ANKS1B: variants seen among roughly 807,000 people sequenced by gnomAD.
ANKS1B encodes ankyrin repeat and sterile alpha motif domain containing 1B.
Under a neutral mutation model 148.3 loss-of-function variants are expected in ANKS1B, and 36 were observed. The ratio of observed to expected loss-of-function variants is 0.24; its 90% CI spans 0.19 to 0.32. The LOEUF (loss-of-function observed/expected upper bound fraction) is 0.32. Ranked by LOEUF, ANKS1B falls within the 10% of genes least tolerant of loss-of-function variation. ANKS1B has a pLI of 1.00. For missense variants in ANKS1B, 1,157 were observed against 1,542.6 expected (o/e 0.75, Z 4.19); for synonymous variants, 542 against 560.8 (o/e 0.97, Z 0.47).
intron 9 of ANKS1B, among the ~76,000 whole-genome samples, chr12:99,570,963 G>A (rs547124957): frequency 1.2e-4 from 18 of 152,094 alleles, no homozygotes; most frequent in Admixed American, 3.3e-4. Flanking sequence ...AAATAGTTCC[G>A]AAATTTATTT....
At position 99,377,485 on chromosome 12, in the gene ANKS1B, T is replaced by TA. The variant is rs144925127; in HGVS notation, c.1756+22145dup. ...GTAAGATTTCCACAATATAAAAACTTAAAAAAATATTCAGAGCAAAAATAA... is the reference window on the plus strand; with the variant it reads ...GTAAGATTTCCACAATATAAAAACTTAAAAAAAATATTCAGAGCAAAAATAA... On this transcript the variant is annotated intron_variant, in intron 12 of 26. Transcript: ENST00000683438. Among the ~76,000 whole-genome samples, 8 of 152,206 alleles carry TA rather than the reference T, an allele frequency of 5.3e-5. No homozygotes were observed. In the South Asian group the frequency reaches 1.2e-3, roughly 24 times the overall value.
chr12:99,786,842 T>C (rs147174170), intron 4 of ANKS1B, among the ~76,000 whole-genome samples: 1 of 152,200 alleles, frequency 6.6e-6, no homozygotes, highest in East Asian at 1.9e-4. Context: ...TTACTGAATG[T>C]GAAAGGAAGC....
At chr12:99,434,561 C>T (rs571665393) in intron 11 of ANKS1B, among the ~76,000 whole-genome samples, 1 of 152,176 alleles carries the variant, frequency 6.6e-6, no homozygotes, top group East Asian at 1.9e-4. Flanking sequence ...TTAATAACCA[C>T]ATTTATTTTC....
chr12:99,121,321 ATGTGTGTGTGTG>A (rs57560069), intron 15 of ANKS1B, among the ~76,000 whole-genome samples: 1 of 142,754 alleles, frequency 7.0e-6, no homozygotes, highest in Non-Finnish European at 1.5e-5. Context: ...GTATGTAGGT[ATGTGTGTGTGTG>A]TGTGTGTGTG....
At position 99,832,905 on chromosome 12, in the gene ANKS1B, C is replaced by T. The variant is rs554641754; in HGVS notation, c.135-7516G>A. Among the ~76,000 whole-genome samples the T allele has an allele frequency of 2.6e-5, 4 of 152,252 alleles. No homozygotes were observed. The South Asian group carries it at 6.2e-4, about 24-fold the overall frequency. On this transcript the variant is annotated intron_variant, in intron 1 of 26. Coordinates refer to ENST00000683438, the MANE Select transcript of ANKS1B (RefSeq NM_001352186.2). ...AATAACTTTGATCTGAATGTATTGACTTTGAAAGTCAGCCAAAACATATAA... is the reference window on the plus strand; with the variant it reads ...AATAACTTTGATCTGAATGTATTGATTTTGAAAGTCAGCCAAAACATATAA...
chr12:98,909,322 C>T (rs185261819), intron 17 of ANKS1B, among the ~76,000 whole-genome samples: 2 of 152,270 alleles, frequency 1.3e-5, no homozygotes, highest in East Asian at 3.9e-4. Flanking sequence ...GATGAATATG[C>T]TTTTGTATAG....
At chr12:99,460,828 C>T (rs1189687588) in intron 10 of ANKS1B, among the ~76,000 whole-genome samples, 3 of 151,856 alleles carry the variant, frequency 2.0e-5, no homozygotes, top group Admixed American at 6.6e-5. Flanking sequence ...CCACTGAAAA[C>T]AGTGTGGAGA....
At chr12:99,057,208 C>G (rs1458044127) in intron 16 of ANKS1B, among the ~76,000 whole-genome samples, 2 of 152,118 alleles carry the variant, frequency 1.3e-5, no homozygotes, top group African/African-American at 4.8e-5. Context: ...CCTGTTTCCT[C>G]TTTTTTAGAA....
At chr12:99,259,708 C>A (rs1053134992) in intron 12 of ANKS1B, among the ~76,000 whole-genome samples, 3 of 152,132 alleles carry the variant, frequency 2.0e-5, no homozygotes, top group Admixed American at 2.0e-4. Flanking sequence ...TCTTGGCATG[C>A]GCTTTGCATT....
intron 8 of ANKS1B, among the ~76,000 whole-genome samples, chr12:99,727,253 C>T (rs890027328): frequency 2.6e-5 from 4 of 151,948 alleles, no homozygotes; most frequent in African/African-American, 9.7e-5. Context: ...GCATCTCAGC[C>T]CCAAAACTCC....
chr12:99,481,802 T>C (rs1243313697), intron 10 of ANKS1B, among the ~76,000 whole-genome samples: 1 of 152,046 alleles, frequency 6.6e-6, no homozygotes, highest in African/African-American at 2.4e-5. Flanking sequence ...CATATGTTTA[T>C]TAGCTATTTG....
At position 99,286,609 on chromosome 12, in the gene ANKS1B, C is replaced by A. The variant is rs1216999093; in HGVS notation, c.1757-39745G>T. ...AGAACATCAAGCAGTTTCCAAGGGT[C>A]CCCAGTTCCAGGCCTTGGTTCTTAG... On this transcript the variant is annotated intron_variant, in intron 12 of 26. Coordinates refer to ENST00000683438, the MANE Select transcript of ANKS1B (RefSeq NM_001352186.2). 3.3e-5 allele frequency among the ~76,000 whole-genome samples: 5 copies of A among 152,208 alleles called. 1 individual carries two copies. The highest frequency in any genetic ancestry group is 3.3e-4 in the Admixed American group (5 of 15,288).
intron 12 of ANKS1B, among the ~76,000 whole-genome samples, chr12:99,309,949 G>T (rs2082911269): frequency 2.0e-5 from 3 of 152,048 alleles, no homozygotes; most frequent in African/African-American, 7.2e-5. Context: ...GGAATAAAAA[G>T]AACTTACTAT....
chr12:99,411,943 C>G (rs963183323), intron 11 of ANKS1B, among the ~76,000 whole-genome samples: 1 of 152,180 alleles, frequency 6.6e-6, no homozygotes, highest in Admixed American at 6.5e-5. Context: ...TGACCATTAT[C>G]AGCTGTGTGG....
intron 17 of ANKS1B, among the ~76,000 whole-genome samples, chr12:98,971,817 A>G (rs1246850881): frequency 6.6e-6 from 1 of 152,168 alleles, no homozygotes; most frequent in Non-Finnish European, 1.5e-5. Context: ...CATTTCCAGA[A>G]GAGGAGTGAA....
chr12:99,273,554 ATTC>A (rs901966140), intron 12 of ANKS1B, among the ~76,000 whole-genome samples: 3 of 128,980 alleles, frequency 2.3e-5, no homozygotes, highest in African/African-American at 9.0e-5. Flanking sequence ...ACATTATCAG[ATTC>A]TTTTTTTTTT....
intron 15 of ANKS1B, among the ~76,000 whole-genome samples, chr12:99,145,541 T>A (rs1450977886): frequency 6.6e-6 from 1 of 152,010 alleles, no homozygotes; most frequent in African/African-American, 2.4e-5. Flanking sequence ...CAAAAGTGAA[T>A]GCGTATATTT....
intron 15 of ANKS1B, among the ~76,000 whole-genome samples, chr12:99,150,308 T>C (rs1322916024): frequency 2.6e-5 from 4 of 152,178 alleles, no homozygotes; most frequent in Non-Finnish European, 1.5e-5. Flanking sequence ...TTCAGTCTAA[T>C]TGGGGAGACA....
chr12:99,176,794 C>G (rs1339755245), intron 14 of ANKS1B, among the ~76,000 whole-genome samples: 1 of 152,080 alleles, frequency 6.6e-6, no homozygotes, highest in Non-Finnish European at 1.5e-5. Context: ...GATGCCTGCT[C>G]CCCCTTTGCC....
Sources: allele counts gnomAD v4.1 joint callset (sites outside exome capture counted in the v4.1 genomes callset), GRCh38; gene constraint gnomAD v4.1.1; transcripts MANE v1.5; gene names NCBI Gene and HGNC (gene_info 2026-07-23, HGNC 2026-07-21).